MEIOC: variants seen among roughly 807,000 people sequenced by gnomAD.
MEIOC encodes meiosis-specific coiled-coil domain-containing protein MEIOC.
MEIOC carries 9 observed loss-of-function variants against 85.3 expected under a neutral mutation model. That is an observed-to-expected ratio of 0.11 (90% CI 0.06 to 0.18). The LOEUF (loss-of-function observed/expected upper bound fraction) is 0.18. MEIOC is among the 10% of genes least tolerant of loss of function. The pLI is 1.00. For synonymous variants in MEIOC, 365 were observed against 393.7 expected, an observed-to-expected ratio of 0.93 and a Z score of 0.86; for missense variants, 898 against 1,129.4, an observed-to-expected ratio of 0.80 and a Z score of 2.94.
chr17:44,656,820 G>T, intron 1 of MEIOC, 138 bp downstream of exon 1: 1 of 426,664 alleles, frequency 2.3e-6, no homozygotes, highest in Non-Finnish European at 3.8e-6. Context: ...AACGGGGCGG[G>T]CGGGCGGGGG....
intron 2 of MEIOC, among the ~76,000 whole-genome samples, chr17:44,661,988 C>G (rs529493923): frequency 6.6e-6 from 1 of 152,058 alleles, no homozygotes. Context: ...CAGAGCTGCC[C>G]GATACCTGTT....
rs140877794 is a variant in MEIOC, at chr17:44,666,596, G to C, written c.685G>C (p.Gly229Arg). The change falls in exon 5 of 8, where the codon GGT becomes CGT. Residue 229 changes from glycine (G) to arginine (R), a missense_variant. Coordinates refer to ENST00000409122, the MANE Select transcript of MEIOC (RefSeq NM_001145080.3). ...KIDELHHGFTGLDLEEQWMYP... is the reference protein window; with the variant it reads ...KIDELHHGFTRLDLEEQWMYP... Reference sequence around the variant, plus strand: ...AGATGAACTTCATCATGGATTTACTGGTTTAGATCTTGAAGAACAATGGAT... The same window carrying C: ...AGATGAACTTCATCATGGATTTACTCGTTTAGATCTTGAAGAACAATGGAT... 1.8e-4 allele frequency: 291 copies of C among 1,610,776 alleles called. 2 individuals carry two copies. The African/African-American group carries it at 3.7e-3, about 20-fold the overall frequency.
Position 44,667,966 on chromosome 17 carries a change from A to C in MEIOC, c.2055A>C (p.Ser685=), listed in dbSNP as rs1320571156. Residue 685 remains serine, a synonymous_variant, in exon 5 of 8, where the codon TCA becomes TCC. Coordinates refer to ENST00000409122, the MANE Select transcript of MEIOC (RefSeq NM_001145080.3). ...ATCAGTGTTTTCAACAACTTGGTTC[A>C]AATGGGTTTCCCCTAAGATCCACCC... is the stretch of plus-strand genomic sequence containing the variant. ...RHNQCFQQLG[S]NGFPLRSTHP... 1.2e-6 allele frequency: 2 copies of C among 1,613,886 alleles called. No homozygotes were observed. The highest frequency in any genetic ancestry group is 2.7e-5 in the African/African-American group (2 of 75,074).
intron 4 of MEIOC, among the ~76,000 whole-genome samples, chr17:44,665,750 A>G (rs1321323868): frequency 1.3e-5 from 2 of 152,164 alleles, no homozygotes; most frequent in African/African-American, 4.8e-5. Context: ...TTCATGAACT[A>G]AAGATTGGCT....
At chr17:44,660,413 G>A (rs1353196641) in intron 2 of MEIOC, among the ~76,000 whole-genome samples, 3 of 151,828 alleles carry the variant, frequency 2.0e-5, no homozygotes, top group Admixed American at 1.3e-4. Context: ...GCTAATTTTT[G>A]TATTTTTGTC....
Position 44,656,509 on chromosome 17 carries a change from G to A in MEIOC, c.-105G>A, listed in dbSNP as rs1379295316. The A allele has an allele frequency of 1.1e-6, 1 of 950,350 alleles. No individual in the cohort carries two copies. The highest frequency in any genetic ancestry group is 1.4e-6 in the Non-Finnish European group (1 of 696,626). The allele number at this position is 950,350 out of a possible 1,614,324, so 58.9% of individuals were successfully genotyped here. On this transcript the variant is annotated 5_prime_UTR_variant, in exon 1 of 8. Coordinates refer to ENST00000409122, the MANE Select transcript of MEIOC (RefSeq NM_001145080.3). ...GCGCCCGGGCGGCGGAGGCGGCTGC[G>A]GAGACGGCGGGGTGCGGGCTGAGGG... is the stretch of plus-strand genomic sequence containing the variant.
At position 44,674,927 on chromosome 17, in the gene MEIOC, C is replaced by G; in HGVS notation, c.*731C>G. 1.0e-6 allele frequency: 1 copy of G among 971,454 alleles called. No homozygotes were observed. Among genetic ancestry groups the G allele is most frequent in the East Asian group, 1.1e-4 (1 of 8,760 alleles). 60.2% of individuals were successfully genotyped at this position (971,454 alleles called of 1,614,324 possible). On this transcript the variant is annotated 3_prime_UTR_variant, in exon 8 of 8. Coordinates refer to ENST00000409122, the MANE Select transcript of MEIOC (RefSeq NM_001145080.3). ...TTATATTATCAATTGTTAAATGTTT[C>G]CAATTTTAAAGTTATTTAAATTGAA...
chr17:44,673,587 A>G (rs1326540474), intron 7 of MEIOC, 41 bp downstream of exon 7: 7 of 1,427,388 alleles, frequency 4.9e-6, no homozygotes, highest in Non-Finnish European at 4.7e-6. Flanking sequence ...AGTCAGTGTG[A>G]TAATTTAGGT....
rs1391904105 is a variant in MEIOC, at chr17:44,656,485, C to T, written c.-129C>T. 9 of 707,508 alleles carry T rather than the reference C, an allele frequency of 1.3e-5. No individual in the cohort carries two copies. Among genetic ancestry groups the T allele is most frequent in the Non-Finnish European group, 1.7e-5 (8 of 474,554 alleles). 43.8% of individuals were successfully genotyped at this position (707,508 alleles called of 1,614,324 possible). ...TTACCCGCACACTGGCTCCAGGCAG[C>T]GCCCGGGCGGCGGAGGCGGCTGCGG... On this transcript the variant is annotated 5_prime_UTR_variant, in exon 1 of 8. Transcript: ENST00000409122.
Position 44,674,274 on chromosome 17 carries a change from A to AAC in MEIOC, c.*79_*80insCA, listed in dbSNP as rs1215131994. On this transcript the variant is annotated 3_prime_UTR_variant, in exon 8 of 8. Transcript: ENST00000409122. ...CTAAAAATGTTTTAATGAACTTGTCAAACTTTCAGTATGTTTTCTTTCAGA... is the reference window on the plus strand; with the variant it reads ...CTAAAAATGTTTTAATGAACTTGTCAACAACTTTCAGTATGTTTTCTTTCAGA... 6.8e-6 allele frequency: 10 copies of AAC among 1,465,794 alleles called. No homozygotes were observed. In the African/African-American group the frequency reaches 1.4e-4, roughly 21 times the overall value. The allele number at this position is 1,465,794 out of a possible 1,614,324, so 90.8% of individuals were successfully genotyped here.
At position 44,666,854 on chromosome 17, in the gene MEIOC, C is replaced by A; in HGVS notation, c.943C>A (p.Gln315Lys). The A allele has an allele frequency of 6.2e-7, 1 of 1,611,078 alleles. No homozygotes were observed. The highest frequency in any genetic ancestry group is 1.1e-5 in the South Asian group (1 of 90,648). Residue 315 changes from glutamine to lysine, a missense_variant, in exon 5 of 8, where the codon CAA (glutamine) becomes AAA (lysine). Physicochemically the swap from Gln to Lys is moderately conservative, Grantham distance 53. Coordinates refer to ENST00000409122, the MANE Select transcript of MEIOC (RefSeq NM_001145080.3). ...QQKRAEMFLS[Q>K]FNRYNENVDY... ...AAAAAGGGCAGAGATGTTTCTTTCT[C>A]AATTTAATAGATACAATGAAAATGT...
chr17:44,664,284 C>A (rs1176239459), intron 3 of MEIOC, among the ~76,000 whole-genome samples: 1 of 152,094 alleles, frequency 6.6e-6, no homozygotes, highest in Admixed American at 6.6e-5. Context: ...ACCGCTTGAA[C>A]CTGGGAGGCG....
chr17:44,658,390 C>T (rs1313125439), intron 2 of MEIOC, among the ~76,000 whole-genome samples: 3 of 149,366 alleles, frequency 2.0e-5, no homozygotes, highest in African/African-American at 7.4e-5. Flanking sequence ...CTCCTGACCT[C>T]GTGATCCGCT....
At position 44,673,960 on chromosome 17, in the gene MEIOC, A is replaced by C; in HGVS notation, c.2639-16A>C. The C allele has an allele frequency of 6.5e-7, 1 of 1,549,604 alleles. No homozygotes were observed. Among genetic ancestry groups the C allele is most frequent in the Non-Finnish European group, 8.7e-7 (1 of 1,145,260 alleles). ...TGGCATTTAATATGAAATGACCCTG[A>C]ATGTTTATTTTACAGATGTTTTTGC... On this transcript the variant is annotated splice_polypyrimidine_tract_variant and intron_variant, in intron 7 of 7. Transcript: ENST00000409122.
chr17:44,670,275 AAAAG>A (rs1168165504), intron 6 of MEIOC: 3 of 149,722 alleles, frequency 2.0e-5, no homozygotes, highest in African/African-American at 7.4e-5. Flanking sequence ...AAAAAAAAAA[AAAAG>A]AAAAAAAAAG....
Position 44,668,018 on chromosome 17 carries a change from C to T in MEIOC, c.2107C>T (p.Leu703=). Residue 703 remains leucine, a synonymous_variant, in exon 5 of 8, where the codon CTG becomes TTG. Transcript: ENST00000409122. ...THPFGHSVVP[L]LDSYDLLSYD... Reference sequence around the variant, plus strand: ...CCCATTTGGCCATTCAGTTGTTCCACTGTTGGATTCCTATGACTTACTTTC... The same window carrying T: ...CCCATTTGGCCATTCAGTTGTTCCATTGTTGGATTCCTATGACTTACTTTC... 6.2e-7 allele frequency: 1 copy of T among 1,613,662 alleles called. No individual in the cohort carries two copies. Among genetic ancestry groups the T allele is most frequent in the African/African-American group, 1.3e-5 (1 of 75,060 alleles).
Position 44,657,275 on chromosome 17 carries a change from C to G in MEIOC, c.204+14C>G. 6.5e-6 allele frequency: 10 copies of G among 1,548,634 alleles called. No homozygotes were observed. Among genetic ancestry groups the G allele is most frequent in the Non-Finnish European group, 8.7e-6 (10 of 1,144,400 alleles). On this transcript the variant is annotated intron_variant, in intron 2 of 7. Transcript: ENST00000409122. ...TACACATCGCAGGTCCTTTAGTAAACTCTGCCTCTGTTAGACGATTTATTC... is the reference window on the plus strand; with the variant it reads ...TACACATCGCAGGTCCTTTAGTAAAGTCTGCCTCTGTTAGACGATTTATTC...
intron 6 of MEIOC, chr17:44,669,801 A>C (rs758066094): frequency 3.0e-6 from 1 of 337,796 alleles, no homozygotes; most frequent in Non-Finnish European, 5.6e-6. Flanking sequence ...CAGAGGTTGC[A>C]GTGAGTGAAG....
chr17:44,658,322 T>G (rs536753460), intron 2 of MEIOC, among the ~76,000 whole-genome samples: 74 of 150,662 alleles, frequency 4.9e-4, no homozygotes, highest in African/African-American at 1.8e-3. Flanking sequence ...GCCCGGCTAA[T>G]TTTTTTGTAT....
Sources: gnomAD v4.1 joint callset for allele counts (sites outside exome capture counted in the v4.1 genomes callset) on GRCh38, gnomAD v4.1.1 for gene constraint, MANE v1.5 for transcripts, NCBI Gene and HGNC (gene_info 2026-07-23, HGNC 2026-07-21) for gene names.